MTA3: variants seen among roughly 807,000 people sequenced by gnomAD.
The protein encoded by MTA3 is metastasis-associated protein MTA3.
A neutral mutation model predicts 83.5 loss-of-function variants in MTA3; 34 were observed. The observed-to-expected ratio is 0.41, with a 90% CI of 0.31 to 0.54. The LOEUF is 0.54. Ranked by LOEUF, MTA3 falls within the 20% of genes least tolerant of loss-of-function variation. The probability of loss-of-function intolerance (pLI) is 0.33; values close to 1 mark genes in which losing one functional copy is unlikely to be tolerated. For synonymous variants in MTA3, 303 were observed against 252.7 expected (o/e 1.20, Z -1.89); for missense variants, 761 against 726.4 (o/e 1.05, Z -0.55).
At chr2:42,612,994 C>T (rs879659660) in intron 4 of MTA3, among the ~76,000 whole-genome samples, 1 of 152,162 alleles carries the variant, frequency 6.6e-6, no homozygotes, top group African/African-American at 2.4e-5. Flanking sequence ...AATTTACTCT[C>T]CTGATAGCTT....
chr2:42,520,766 A>G (rs373217100), intron 2 of MTA3, among the ~76,000 whole-genome samples: 6 of 151,722 alleles, frequency 4.0e-5, no homozygotes, highest in Non-Finnish European at 7.4e-5. Flanking sequence ...GGGTCTCCCT[A>G]TGTTGCCCGG....
Position 42,697,799 on chromosome 2 carries a change from TGA to T in MTA3, c.994_995del (p.Ser332Ter). 1 of 1,545,556 alleles carries T rather than the reference TGA, an allele frequency of 6.5e-7. No individual in the cohort carries two copies. The highest frequency in any genetic ancestry group is 8.7e-7 in the Non-Finnish European group (1 of 1,147,598). ...QQKRLKAAEAESKLKQVYIPT... is the reference protein window; with the variant it reads ...QQKRLKAAEAXSKLKQVYIPT... The stretch of plus-strand genomic sequence containing the variant: ...AGAAACGTCTAAAAGCAGCAGAAGC[TGA>T]GAGTAAACTGAAACAAGTATATATC... On this transcript the variant is annotated frameshift_variant, in exon 11 of 17. Coordinates refer to ENST00000405094, the MANE Select transcript of MTA3 (RefSeq NM_001330442.2). LOFTEE classifies it high-confidence loss of function.
rs527934294 is a variant in MTA3, at chr2:42,604,741, T to C, written c.191-4717T>C. On this transcript the variant is annotated intron_variant, in intron 3 of 16. Coordinates refer to ENST00000405094, the MANE Select transcript of MTA3 (RefSeq NM_001330442.2). ...CAGAGGACCCTGCGGCCTTCCGCAGTGTTTGTGTCCCTGATTACTTGAGAT... is the reference window on the plus strand; with the variant it reads ...CAGAGGACCCTGCGGCCTTCCGCAGCGTTTGTGTCCCTGATTACTTGAGAT... 1.6e-3 allele frequency among the ~76,000 whole-genome samples: 236 copies of C among 146,252 alleles called. 3 individuals carry two copies. The highest frequency in any genetic ancestry group is 5.1e-3 in the African/African-American group (201 of 39,048).
intron 16 of MTA3, among the ~76,000 whole-genome samples, chr2:42,729,097 T>TTTTTG (rs1558626056): frequency 3.3e-5 from 4 of 121,466 alleles, no homozygotes; most frequent in African/African-American, 9.9e-5. Context: ...TTTTTTTTTT[T>TTTTTG]TTTTTTTTTT....
intron 2 of MTA3, among the ~76,000 whole-genome samples, chr2:42,502,815 T>A (rs1353497909): frequency 5.1e-4 from 26 of 51,466 alleles, no homozygotes; most frequent in African/African-American, 1.0e-3. Flanking sequence ...AAAAAAAAAT[T>A]AGCCGGGCAT....
intron 16 of MTA3, among the ~76,000 whole-genome samples, chr2:42,751,774 G>A (rs963781660): frequency 6.6e-6 from 1 of 152,150 alleles, no homozygotes; most frequent in Non-Finnish European, 1.5e-5. Context: ...TTTGATAGGT[G>A]GTTTAATTCC....
intron 9 of MTA3, among the ~76,000 whole-genome samples, chr2:42,693,454 A>T (rs1041922801): frequency 1.3e-5 from 2 of 152,160 alleles, no homozygotes; most frequent in Non-Finnish European, 2.9e-5. Context: ...AAACCACAAT[A>T]TAAAATCCTT....
intron 8 of MTA3, among the ~76,000 whole-genome samples, chr2:42,675,115 C>T (rs1160603339): frequency 6.6e-6 from 1 of 151,766 alleles, no homozygotes; most frequent in African/African-American, 2.4e-5. Flanking sequence ...TGCTTAGTTT[C>T]AAAATTCCTT....
chr2:42,543,287 C>T (rs1254472223), intron 2 of MTA3, among the ~76,000 whole-genome samples: 1 of 150,910 alleles, frequency 6.6e-6, no homozygotes, highest in East Asian at 2.0e-4. Context: ...AAGCGATTCT[C>T]CTGCTTCAGC....
intron 8 of MTA3, among the ~76,000 whole-genome samples, chr2:42,664,318 C>A (rs964296847): frequency 2.6e-5 from 4 of 152,102 alleles, no homozygotes; most frequent in Admixed American, 2.6e-4. Flanking sequence ...ATGAGCTTTG[C>A]AGATTGTTTC....
intron 2 of MTA3, among the ~76,000 whole-genome samples, chr2:42,541,529 T>C (rs973513719): frequency 6.6e-6 from 1 of 152,196 alleles, no homozygotes; most frequent in African/African-American, 2.4e-5. Context: ...TTGTGTCAGA[T>C]GATTTTGCCC....
chr2:42,658,441 G>A (rs1558551835), intron 7 of MTA3, among the ~76,000 whole-genome samples: 1 of 152,178 alleles, frequency 6.6e-6, no homozygotes, highest in African/African-American at 2.4e-5. Flanking sequence ...AGTGGAGGTG[G>A]GGATGAGACG....
intron 3 of MTA3, among the ~76,000 whole-genome samples, chr2:42,585,950 AT>A (rs1311984148): frequency 6.6e-6 from 1 of 152,124 alleles, no homozygotes; most frequent in Non-Finnish European, 1.5e-5. Context: ...TTAAAAAAAA[AT>A]AAATTATAAA....
intron 2 of MTA3, among the ~76,000 whole-genome samples, chr2:42,552,065 C>T (rs1022075720): frequency 6.6e-6 from 1 of 151,848 alleles, no homozygotes; most frequent in Non-Finnish European, 1.5e-5. Flanking sequence ...CCTATATTGC[C>T]CAGGCTGGTA....
chr2:42,749,707 A>T lies in MTA3; in HGVS notation c.1760-3667A>T, dbSNP rs185244258. 5.5e-3 allele frequency among the ~76,000 whole-genome samples: 830 copies of T among 151,866 alleles called. 30 individuals are homozygous for T. Among genetic ancestry groups the T allele is most frequent in the Admixed American group, 0.051 (779 of 15,234 alleles). On this transcript the variant is annotated intron_variant, in intron 16 of 16. Transcript: ENST00000405094. ...GGTCTTGAACTCCTGACCTCAAGTG[A>T]TCCTCCCACCTCAGCCTCCCAAAGT...
rs1193821176 is a variant in MTA3, at chr2:42,607,828, G to A, written c.191-1630G>A. Among the ~76,000 whole-genome samples the A allele has an allele frequency of 2.0e-5, 3 of 152,288 alleles. No individual in the cohort carries two copies. In the South Asian group the frequency reaches 6.2e-4, roughly 32 times the overall value. ...TAGCCAGGTGTGGTGGCACACGCCT[G>A]TAATCCCAGCTACTCAGGAGGCTGA... On this transcript the variant is annotated intron_variant, in intron 3 of 16. Transcript: ENST00000405094.
intron 3 of MTA3, among the ~76,000 whole-genome samples, chr2:42,579,962 G>T (rs910161995): frequency 2.0e-5 from 3 of 151,934 alleles, no homozygotes; most frequent in Admixed American, 6.6e-5. Context: ...TTGGTGAGGG[G>T]ACTAGGTCTT....
At chr2:42,643,408 G>A (rs1164891275) in intron 5 of MTA3, among the ~76,000 whole-genome samples, 2 of 152,148 alleles carry the variant, frequency 1.3e-5, no homozygotes, top group African/African-American at 2.4e-5. Context: ...AAGGACTGGT[G>A]CCAGGTCATT....
chr2:42,570,449 T>C lies in MTA3; in HGVS notation c.41T>C (p.Phe14Ser). The change falls in exon 2 of 17, where the codon TTT becomes TCT. Residue 14 changes from phenylalanine (F) to serine (S), a missense_variant. Physicochemically the swap from Phe to Ser is radical, Grantham distance 155 (BLOSUM62 -2). Transcript: ENST00000405094. Reference sequence around the variant, plus strand: ...CCTTTAATTACAGATTATGTCTACTTTGAGAATTCCTCCAGCAACCCATAC... The same window carrying C: ...CCTTTAATTACAGATTATGTCTACTCTGAGAATTCCTCCAGCAACCCATAC... ...NMYRVGDYVYFENSSSNPYLI... is the reference protein window; with the variant it reads ...NMYRVGDYVYSENSSSNPYLI... The C allele has an allele frequency of 6.5e-7, 1 of 1,539,494 alleles. No individual in the cohort carries two copies. Among genetic ancestry groups the C allele is most frequent in the Non-Finnish European group, 8.8e-7 (1 of 1,133,424 alleles).
Sources: gnomAD v4.1 joint callset for allele counts (sites outside exome capture counted in the v4.1 genomes callset) on GRCh38, gnomAD v4.1.1 for gene constraint, MANE v1.5 for transcripts, NCBI Gene and HGNC (gene_info 2026-07-23, HGNC 2026-07-21) for gene names.